Variants in MEGF11 observed in about 807,000 individuals in gnomAD.
MEGF11 encodes multiple EGF like domains 11, also known as multiple epidermal growth factor-like domains protein 11.
In MEGF11, 126 loss-of-function variants were observed where a neutral mutation model predicts 146.6. The observed-to-expected ratio is 0.86, with a 90% CI of 0.74 to 1.00. The LOEUF (loss-of-function observed/expected upper bound fraction) is 1.00. Among genes scored for constraint, MEGF11 ranks in the 50% least tolerant of loss-of-function variants. The probability of loss-of-function intolerance (pLI) is 0.00; values close to 1 mark genes in which losing one functional copy is unlikely to be tolerated. For synonymous variants in MEGF11, 532 were observed against 583.4 expected (o/e 0.91, Z 1.27); for missense variants, 1,509 against 1,521.2 (o/e 0.99, Z 0.13).
chr15:66,228,272 G>A (rs769141070), intron 1 of MEGF11, among the ~76,000 whole-genome samples: 2 of 152,058 alleles, frequency 1.3e-5, no homozygotes, highest in Non-Finnish European at 2.9e-5. Flanking sequence ...AAGTAGGAGA[G>A]TCAATAAAGT....
Position 65,910,372 on chromosome 15 carries a change from C to T in MEGF11, c.2830-566G>A, listed in dbSNP as rs2078762945. Among the ~76,000 whole-genome samples the T allele has an allele frequency of 1.3e-5, 2 of 149,314 alleles. 1 individual carries two copies. Among genetic ancestry groups the T allele is most frequent in the South Asian group, 4.2e-4 (2 of 4,812 alleles). On this transcript the variant is annotated intron_variant, in intron 21 of 25. Coordinates refer to ENST00000395614, the MANE Select transcript of MEGF11 (RefSeq NM_001385028.1). Reference sequence around the variant, plus strand: ...CATATGAGGCAAGGATGGTTATCCTCATTTCACAGATGGCGACCTGAGTCC... The same window carrying T: ...CATATGAGGCAAGGATGGTTATCCTTATTTCACAGATGGCGACCTGAGTCC...
chr15:65,953,581 G>T (rs2080476918), intron 10 of MEGF11, among the ~76,000 whole-genome samples: 1 of 152,344 alleles, frequency 6.6e-6, no homozygotes, highest in Admixed American at 6.5e-5. Context: ...TTCACTGCTA[G>T]TGTGAATGTG....
intron 5 of MEGF11, among the ~76,000 whole-genome samples, chr15:66,081,367 T>C (rs75393657): frequency 0.012 from 1,849 of 152,270 alleles, 42 homozygotes; most frequent in African/African-American, 0.043. Context: ...AATAGCCCTG[T>C]TTACCTTCCC....
chr15:65,979,229 G>A (rs755746410), intron 7 of MEGF11, among the ~76,000 whole-genome samples: 8 of 152,106 alleles, frequency 5.3e-5, no homozygotes, highest in Non-Finnish European at 1.2e-4. Context: ...AGATCCCCCA[G>A]TCCCAGGAGG....
chr15:65,898,196 A>T (rs2078398945), intron 25 of MEGF11, 102 bp from the exon 26 acceptor site: 13 of 1,470,908 alleles, frequency 8.8e-6, no homozygotes, highest in Non-Finnish European at 1.2e-5. Context: ...GGAGCCAGGG[A>T]TTTATAAATC....
chr15:65,961,819 T>A (rs1313588965), intron 9 of MEGF11, among the ~76,000 whole-genome samples: 1 of 152,174 alleles, frequency 6.6e-6, no homozygotes, highest in Non-Finnish European at 1.5e-5. Flanking sequence ...GGGGCTTTGT[T>A]GTAAGTTCTG....
chr15:65,912,302 A>G, intron 20 of MEGF11, 102 bp from the exon 21 acceptor site: 1 of 646,350 alleles, frequency 1.5e-6, no homozygotes, highest in Non-Finnish European at 2.2e-6. Flanking sequence ...AGAGCCCTGC[A>G]AAGACAAACA....
rs1345190367 is a variant in MEGF11, at chr15:66,080,107, C to T, written c.394+14295G>A. ...AGGGCGGAGAGATGGACATCAAGGC[C>T]GGCAGACCCAGGTTCTTGCTGTTCC... On this transcript the variant is annotated intron_variant, in intron 5 of 25. Transcript: ENST00000395614. Among the ~76,000 whole-genome samples, 3 of 152,170 alleles carry T rather than the reference C, an allele frequency of 2.0e-5. No individual in the cohort carries two copies. In the East Asian group the frequency reaches 5.8e-4, roughly 29 times the overall value.
At chr15:66,065,036 A>G (rs1212004454) in intron 5 of MEGF11, among the ~76,000 whole-genome samples, 1 of 152,070 alleles carries the variant, frequency 6.6e-6, no homozygotes, top group East Asian at 1.9e-4. Flanking sequence ...GCCCTGATTC[A>G]CTGGCCCTTG....
intron 5 of MEGF11, chr15:66,040,323 C>G (rs1030551964): frequency 6.5e-6 from 1 of 154,858 alleles, no homozygotes; most frequent in Non-Finnish European, 1.5e-5. Flanking sequence ...GATCTTTGGC[C>G]CTCAGATTCA....
chr15:66,030,115 C>T lies in MEGF11; in HGVS notation c.395-47627G>A, dbSNP rs544781196. ...TCTGACAGTGACAATGTCCTTCAGG[C>T]TCAAACACCTGAGCACACACAGAGA... On this transcript the variant is annotated intron_variant, in intron 5 of 25. Coordinates refer to ENST00000395614, the MANE Select transcript of MEGF11 (RefSeq NM_001385028.1). Among the ~76,000 whole-genome samples the T allele has an allele frequency of 2.6e-5, 4 of 152,334 alleles. No individual in the cohort carries two copies. In the South Asian group the frequency reaches 8.3e-4, roughly 32 times the overall value.
intron 24 of MEGF11, 149 bp downstream of exon 24, chr15:65,905,936 C>G: frequency 1.9e-6 from 1 of 516,372 alleles, no homozygotes; most frequent in Non-Finnish European, 3.4e-6. Context: ...GCACAGCTAC[C>G]CAACAGCCCC....
intron 10 of MEGF11, among the ~76,000 whole-genome samples, chr15:65,955,755 A>ATTAT (rs1567174814): frequency 7.2e-5 from 1 of 13,848 alleles, no homozygotes; most frequent in African/African-American, 1.6e-4. Flanking sequence ...AAAAAAAAAA[A>ATTAT]AAAAAAATAT....
rs1844203908 is a variant in MEGF11, at chr15:65,919,362, T to C, written c.1958-1268A>G. Among the ~76,000 whole-genome samples, 3 of 152,328 alleles carry C rather than the reference T, an allele frequency of 2.0e-5. No individual in the cohort carries two copies. In the South Asian group the frequency reaches 6.2e-4, roughly 32 times the overall value. On this transcript the variant is annotated intron_variant, in intron 15 of 25. Transcript: ENST00000395614. ...CAAATACAGGCATACCTCAGAGATG[T>C]GGGTTTGGTTCCAGACCACTGCAAG...
At chr15:66,188,274 C>A (rs964685846) in intron 1 of MEGF11, among the ~76,000 whole-genome samples, 3 of 151,968 alleles carry the variant, frequency 2.0e-5, no homozygotes, top group Non-Finnish European at 2.9e-5. Context: ...AATATAAATT[C>A]TTGGTACTGT....
rs796659138 is a variant in MEGF11 at position 66,188,395 on chromosome 15, G to GA, written c.-8-59985dup. ...TATAACATGAAAAGAAAGAAAGGAA[G>GA]AAAAAAAAAAACCTTGCCAGGTTAC... On this transcript the variant is annotated intron_variant, in intron 1 of 25. Transcript: ENST00000395614. Among the ~76,000 whole-genome samples the GA allele has an allele frequency of 8.2e-4, 120 of 145,726 alleles. 3 individuals carry two copies. The highest frequency in any genetic ancestry group is 7.0e-3 in the Middle Eastern group (2 of 286).
intron 5 of MEGF11, among the ~76,000 whole-genome samples, chr15:66,064,284 A>C (rs2085025488): frequency 6.6e-6 from 1 of 152,022 alleles, no homozygotes; most frequent in Non-Finnish European, 1.5e-5. Context: ...CAGGAGAATC[A>C]CTTGAACCCA....
chr15:66,020,481 A>G (rs1265063774), intron 5 of MEGF11, among the ~76,000 whole-genome samples: 1 of 152,212 alleles, frequency 6.6e-6, no homozygotes, highest in Non-Finnish European at 1.5e-5. Context: ...AGAGGCAACA[A>G]ATCCCCATTT....
rs944768867 is a variant in MEGF11, at chr15:66,180,818, T to G, written c.-8-52407A>C. On this transcript the variant is annotated intron_variant, in intron 1 of 25. Transcript: ENST00000395614. ...GTCTAGCTCTACGGCCACAATTTAA[T>G]TACATTCTCACTCTGCCTCTCCATT... Among the ~76,000 whole-genome samples, 4 of 152,192 alleles carry G rather than the reference T, an allele frequency of 2.6e-5. No individual in the cohort carries two copies. In the East Asian group the frequency reaches 7.7e-4, roughly 29 times the overall value.
Sources: gnomAD v4.1 joint callset for allele counts (sites outside exome capture counted in the v4.1 genomes callset) on GRCh38, gnomAD v4.1.1 for gene constraint, MANE v1.5 for transcripts, NCBI Gene and HGNC (gene_info 2026-07-23, HGNC 2026-07-21) for gene names.